Variants in CYP19A1 observed in about 807,000 individuals in gnomAD.
CYP19A1 encodes the protein aromatase.
In CYP19A1, 32 loss-of-function variants were observed where a neutral mutation model predicts 44.4. The ratio of observed to expected loss-of-function variants is 0.72; its 90% CI spans 0.54 to 0.97. The LOEUF (loss-of-function observed/expected upper bound fraction) is 0.97. CYP19A1 is among the 50% of genes least tolerant of loss of function. CYP19A1 has a pLI of 0.00. For missense variants in CYP19A1, 598 were observed against 637.8 expected (o/e 0.94, Z 0.67); for synonymous variants, 212 against 215.6 (o/e 0.98, Z 0.14).
At chr15:51,336,435 T>G (rs1313844172) in intron 1 of CYP19A1, among the ~76,000 whole-genome samples, 1 of 152,136 alleles carries the variant, frequency 6.6e-6, no homozygotes, top group Non-Finnish European at 1.5e-5. Context: ...AATGGGGAGT[T>G]AAAACCATAA....
At position 51,319,728 on chromosome 15, in the gene CYP19A1, T is replaced by C. The variant is rs2036493255; in HGVS notation, c.-39+18767A>G. On this transcript the variant is annotated intron_variant, in intron 1 of 9. Coordinates refer to ENST00000396402, the MANE Select transcript of CYP19A1 (RefSeq NM_000103.4). ...AGCAGTTAATGGGCATGAAAGGCCT[T>C]TGAACCCTATGTAGCCCTGCACGTG... Among the ~76,000 whole-genome samples the C allele has an allele frequency of 2.6e-5, 4 of 152,336 alleles. No homozygotes were observed. The South Asian group carries it at 8.3e-4, about 32-fold the overall frequency.
At chr15:51,233,086 C>T (rs141254963) in intron 3 of CYP19A1, among the ~76,000 whole-genome samples, 1,694 of 152,328 alleles carry the variant, frequency 0.011, 15 homozygotes, top group Non-Finnish European at 0.015. Flanking sequence ...GGGCTACTTG[C>T]TCATTTCCTT....
At chr15:51,253,660 G>T (rs1308272224) in intron 1 of CYP19A1, among the ~76,000 whole-genome samples, 1 of 152,076 alleles carries the variant, frequency 6.6e-6, no homozygotes, top group Non-Finnish European at 1.5e-5. Flanking sequence ...TTCATATCCA[G>T]GGGCTAATCC....
intron 1 of CYP19A1, among the ~76,000 whole-genome samples, chr15:51,281,215 C>G (rs910853437): frequency 6.6e-6 from 1 of 152,198 alleles, no homozygotes; most frequent in Admixed American, 6.5e-5. Flanking sequence ...CACTCCTACC[C>G]CAGGAAGACT....
chr15:51,238,394 T>C (rs1156459723), intron 2 of CYP19A1, among the ~76,000 whole-genome samples: 3 of 152,276 alleles, frequency 2.0e-5, no homozygotes, highest in African/African-American at 7.2e-5. Flanking sequence ...TGGATATTTA[T>C]AGCTTGGCAC....
chr15:51,283,694 C>A (rs2035606335), intron 1 of CYP19A1, among the ~76,000 whole-genome samples: 2 of 152,158 alleles, frequency 1.3e-5, no homozygotes, highest in African/African-American at 4.8e-5. Context: ...ACAGAAAAGC[C>A]CTGGTGTATG....
At chr15:51,242,010 G>C (rs890332091) in intron 2 of CYP19A1, among the ~76,000 whole-genome samples, 3 of 152,074 alleles carry the variant, frequency 2.0e-5, no homozygotes, top group Non-Finnish European at 2.9e-5. Flanking sequence ...TAAAGAAGCA[G>C]TCTGAAATTT....
chr15:51,314,209 G>T (rs1311899754), intron 1 of CYP19A1: 2 of 152,194 alleles, frequency 1.3e-5, no homozygotes, highest in Admixed American at 6.5e-5. Context: ...CACCAGTGCG[G>T]CCTATGAGGC....
intron 1 of CYP19A1, among the ~76,000 whole-genome samples, chr15:51,261,262 C>T (rs2034710003): frequency 6.6e-6 from 1 of 151,930 alleles, no homozygotes; most frequent in African/African-American, 2.4e-5. Context: ...GGCCAAGAAC[C>T]CCAGGTCAGA....
At chr15:51,303,380 C>CT (rs1051906053) in intron 1 of CYP19A1, among the ~76,000 whole-genome samples, 1 of 150,642 alleles carries the variant, frequency 6.6e-6, no homozygotes, top group Non-Finnish European at 1.5e-5. Flanking sequence ...TGCCTATGCC[C>CT]TTTAAAAAAA....
chr15:51,252,094 T>C (rs1003317344), intron 1 of CYP19A1, among the ~76,000 whole-genome samples: 1 of 152,192 alleles, frequency 6.6e-6, no homozygotes, highest in Non-Finnish European at 1.5e-5. Flanking sequence ...CAGTGGTGCC[T>C]GTAGGCCCAG....
At chr15:51,289,384 T>G (rs539021165) in intron 1 of CYP19A1, among the ~76,000 whole-genome samples, 1 of 152,214 alleles carries the variant, frequency 6.6e-6, no homozygotes, top group African/African-American at 2.4e-5. Flanking sequence ...ATTCTGGGCA[T>G]GGAGCAGCTC....
chr15:51,212,307 G>C lies in CYP19A1; in HGVS notation c.1263+13C>G. The C allele has an allele frequency of 6.4e-7, 1 of 1,573,286 alleles. No homozygotes were observed. Among genetic ancestry groups the C allele is most frequent in the Non-Finnish European group, 8.8e-7 (1 of 1,142,830 alleles). ...CAAGAGTGGCACACTCAGTTTTAAG[G>C]AAGGGCTCTTACATTCTTTGCAAAA... On this transcript the variant is annotated intron_variant, in intron 9 of 9. Coordinates refer to ENST00000396402, the MANE Select transcript of CYP19A1 (RefSeq NM_000103.4).
intron 1 of CYP19A1, among the ~76,000 whole-genome samples, chr15:51,253,869 G>A (rs1451580275): frequency 3.3e-5 from 5 of 152,190 alleles, no homozygotes; most frequent in African/African-American, 7.2e-5. Flanking sequence ...GAGGCTTCAC[G>A]TGAATGATGG....
In CYP19A1 at chr15:51,210,556, G is replaced by A. The variant is rs1449012108; in HGVS notation, c.*252C>T. 2.1e-5 allele frequency: 13 copies of A among 634,040 alleles called. No individual in the cohort carries two copies. In the East Asian group the frequency reaches 2.8e-4, roughly 14 times the overall value. The allele number at this position is 634,040 out of a possible 1,614,324, so 39.3% of individuals were successfully genotyped here. On this transcript the variant is annotated 3_prime_UTR_variant, in exon 10 of 10. Transcript: ENST00000396402. Reference sequence around the variant, plus strand: ...GGTGGAATCGGGTCTTTATGGATACGGTTTCTTCACCGACTATTTCTCCCT... The same window carrying A: ...GGTGGAATCGGGTCTTTATGGATACAGTTTCTTCACCGACTATTTCTCCCT...
At position 51,324,655 on chromosome 15, in the gene CYP19A1, G is replaced by T. The variant is rs147670312; in HGVS notation, c.-39+13840C>A. ...GGCAACTTTAAAACTGGTTAAAAAC[G>T]AAATGTCTACTTAAATCCAACTAGC... On this transcript the variant is annotated intron_variant, in intron 1 of 9. Transcript: ENST00000396402. Among the ~76,000 whole-genome samples, 63 of 152,302 alleles carry T rather than the reference G, an allele frequency of 4.1e-4. No homozygotes were observed. The East Asian group carries it at 6.6e-3, about 16-fold the overall frequency.
At position 51,257,762 on chromosome 15, in the gene CYP19A1, T is replaced by G. The variant is rs979652372; in HGVS notation, c.-38-14812A>C. On this transcript the variant is annotated intron_variant, in intron 1 of 9. Transcript: ENST00000396402. ...AGCAACAACACATGAAGGTCAAGTT[T>G]TTTTTTTCCCCTAACTTTTCAAGGT... Among the ~76,000 whole-genome samples the G allele has an allele frequency of 1.4e-4, 21 of 152,184 alleles. 1 individual carries two copies. Among genetic ancestry groups the G allele is most frequent in the Admixed American group, 6.5e-5 (1 of 15,288 alleles).
At chr15:51,223,593 T>TCTCACACACACA (rs1356666512) in intron 4 of CYP19A1, among the ~76,000 whole-genome samples, 3,088 of 90,122 alleles carry the variant, frequency 0.034, 90 homozygotes, top group Admixed American at 0.043. Flanking sequence ...TCTCTCTCTC[T>TCTCACACACACA]CACACACACA....
chr15:51,330,376 T>C (rs2036681059), intron 1 of CYP19A1, among the ~76,000 whole-genome samples: 1 of 152,016 alleles, frequency 6.6e-6, no homozygotes, highest in South Asian at 2.1e-4. Flanking sequence ...GCATAAGAAA[T>C]GTCAAGTGAG....
Sources: gnomAD v4.1 joint callset for allele counts (sites outside exome capture counted in the v4.1 genomes callset) on GRCh38, gnomAD v4.1.1 for gene constraint, MANE v1.5 for transcripts, NCBI Gene and HGNC (gene_info 2026-07-23, HGNC 2026-07-21) for gene names.